Variants in FAM13A observed in about 807,000 individuals in gnomAD.
FAM13A encodes family with sequence similarity 13 member A.
Under a neutral mutation model 129.6 loss-of-function variants are expected in FAM13A, and 76 were observed. That is an observed-to-expected ratio of 0.59 (90% confidence interval 0.49 to 0.71). The LOEUF (loss-of-function observed/expected upper bound fraction) is 0.71, where lower values mean the gene tolerates loss of function less well. FAM13A is among the 30% of genes least tolerant of loss of function. The pLI is 0.00. For synonymous variants in FAM13A, 443 were observed against 449.9 expected (o/e 0.98, Z 0.20); for missense variants, 1,108 against 1,249.3 (o/e 0.89, Z 1.70).
At chr4:88,773,296 G>A (rs1351484844) in intron 11 of FAM13A, among the ~76,000 whole-genome samples, 2 of 151,570 alleles carry the variant, frequency 1.3e-5, no homozygotes, top group Admixed American at 6.7e-5. Flanking sequence ...CTTCCCCCTT[G>A]TAGGGCAAAA....
intron 1 of FAM13A, among the ~76,000 whole-genome samples, chr4:89,046,552 A>C (rs957169853): frequency 1.3e-5 from 2 of 152,200 alleles, no homozygotes; most frequent in African/African-American, 4.8e-5. Flanking sequence ...GAAATTTTTT[A>C]AAAAAAGAAA....
intron 6 of FAM13A, among the ~76,000 whole-genome samples, chr4:88,905,455 T>C (rs1444098898): frequency 6.6e-6 from 1 of 152,168 alleles, no homozygotes; most frequent in African/African-American, 2.4e-5. Flanking sequence ...GAAGGTTACA[T>C]AGGTAAACAT....
chr4:88,825,227 T>TG (rs397755012), intron 7 of FAM13A, among the ~76,000 whole-genome samples: 18 of 149,456 alleles, frequency 1.2e-4, no homozygotes, highest in South Asian at 2.1e-4. Flanking sequence ...TTTTTTTTTT[T>TG]GGGGGGGGGA....
chr4:88,969,193 C>T (rs973026271), intron 4 of FAM13A, among the ~76,000 whole-genome samples: 2 of 152,044 alleles, frequency 1.3e-5, no homozygotes, highest in Non-Finnish European at 2.9e-5. Flanking sequence ...TCCCCAAAAC[C>T]TATGGAAATA....
intron 3 of FAM13A, among the ~76,000 whole-genome samples, chr4:89,006,364 C>G (rs1232148006): frequency 6.6e-6 from 1 of 152,170 alleles, no homozygotes; most frequent in Non-Finnish European, 1.5e-5. Context: ...ATTCCAAGTT[C>G]TTTAGTATCT....
chr4:88,995,129 T>C (rs113192927), intron 3 of FAM13A, among the ~76,000 whole-genome samples: 13 of 150,166 alleles, frequency 8.7e-5, no homozygotes, highest in South Asian at 4.2e-4. Context: ...GTTGCACACA[T>C]GCACCCAAAA....
intron 7 of FAM13A, among the ~76,000 whole-genome samples, chr4:88,838,755 A>G (rs573154980): frequency 1.3e-5 from 2 of 152,172 alleles, no homozygotes; most frequent in African/African-American, 4.8e-5. Flanking sequence ...GAAAAAGAAA[A>G]TACACATTTT....
chr4:88,784,118 T>G (rs539210366), intron 10 of FAM13A, among the ~76,000 whole-genome samples: 1 of 152,294 alleles, frequency 6.6e-6, no homozygotes, highest in Non-Finnish European at 1.5e-5. Flanking sequence ...TATATGAAAA[T>G]CTGACCATGC....
chr4:88,744,781 C>T (rs1464003901), intron 19 of FAM13A, among the ~76,000 whole-genome samples: 1 of 151,952 alleles, frequency 6.6e-6, no homozygotes, highest in African/African-American at 2.4e-5. Context: ...TCTGCTTTTC[C>T]TGAGGAGGTT....
At chr4:88,946,136 T>TG (rs1357553195) in intron 4 of FAM13A, among the ~76,000 whole-genome samples, 4 of 150,176 alleles carry the variant, frequency 2.7e-5, no homozygotes, top group Non-Finnish European at 5.9e-5. Context: ...TAACTATCCC[T>TG]GGGCAACTTC....
At chr4:88,991,219 G>A in intron 3 of FAM13A, 69 bp from the exon 4 acceptor site, 1 of 1,146,018 alleles carries the variant, frequency 8.7e-7, no homozygotes, top group Non-Finnish European at 1.2e-6. Context: ...GCCCATAGGT[G>A]TAATACATTC....
intron 9 of FAM13A, among the ~76,000 whole-genome samples, chr4:88,788,576 A>G (rs773256762): frequency 1.3e-5 from 2 of 152,208 alleles, no homozygotes; most frequent in Non-Finnish European, 2.9e-5. Context: ...TTGGAAGGAT[A>G]GATTTACTTT....
chr4:88,771,928 G>A (rs2149568819), intron 11 of FAM13A, among the ~76,000 whole-genome samples: 1 of 152,266 alleles, frequency 6.6e-6, no homozygotes, highest in Non-Finnish European at 1.5e-5. Flanking sequence ...CAAAAGCCTT[G>A]ATAAAAGTTC....
intron 1 of FAM13A, among the ~76,000 whole-genome samples, chr4:89,038,120 T>C (rs17014962): frequency 0.015 from 2,243 of 152,348 alleles, 60 homozygotes; most frequent in African/African-American, 0.051. Context: ...ACCTTTAATA[T>C]TGGCAGCTCT....
intron 9 of FAM13A, among the ~76,000 whole-genome samples, chr4:88,788,465 C>A (rs1234984646): frequency 6.6e-6 from 1 of 152,140 alleles, no homozygotes; most frequent in Non-Finnish European, 1.5e-5. Flanking sequence ...TTAGAACTCA[C>A]AACAGCATGG....
chr4:88,779,735 A>G (rs1440625173), intron 11 of FAM13A, among the ~76,000 whole-genome samples: 1 of 152,202 alleles, frequency 6.6e-6, no homozygotes, highest in Non-Finnish European at 1.5e-5. Context: ...TAGTTTTATC[A>G]GTAAACACAT....
chr4:88,852,490 A>G (rs1157477141), intron 6 of FAM13A, among the ~76,000 whole-genome samples: 1 of 151,920 alleles, frequency 6.6e-6, no homozygotes, highest in African/African-American at 2.4e-5. Flanking sequence ...GACCTTTCCC[A>G]ATTCTGAATT....
chr4:88,952,002 A>G (rs1258819542), intron 4 of FAM13A, among the ~76,000 whole-genome samples: 1 of 152,222 alleles, frequency 6.6e-6, no homozygotes, highest in Non-Finnish European at 1.5e-5. Flanking sequence ...TTAAAAAGTT[A>G]CTTTCCTCTT....
At chr4:89,054,023 A>G (rs1221741932) in intron 1 of FAM13A, among the ~76,000 whole-genome samples, 1 of 152,194 alleles carries the variant, frequency 6.6e-6, no homozygotes, top group Non-Finnish European at 1.5e-5. Context: ...CCACCTCAGA[A>G]TAGGTGGTTT....
Sources: gnomAD v4.1 joint callset for allele counts (sites outside exome capture counted in the v4.1 genomes callset) on GRCh38, gnomAD v4.1.1 for gene constraint, MANE v1.5 for transcripts, NCBI Gene and HGNC (gene_info 2026-07-23, HGNC 2026-07-21) for gene names.